Variants in BRD10 observed in about 807,000 individuals in gnomAD.
BRD10 encodes the protein bromodomain containing 10.
chr9:5,923,101 T>C, the BRD10 span: 1 of 1,614,010 alleles, frequency 6.2e-7, no homozygotes, highest in Non-Finnish European at 8.5e-7. Flanking sequence ...CATCACTTTC[T>C]AGATTCTCAA....
chr9:5,891,961 T>C, the BRD10 span, among the ~76,000 whole-genome samples: 1 of 152,216 alleles, frequency 6.6e-6, no homozygotes, highest in Non-Finnish European at 1.5e-5. Context: ...CAACGGGTGC[T>C]CTGGGAAACA....
chr9:5,948,319 A>G, the BRD10 span, among the ~76,000 whole-genome samples: 4 of 152,288 alleles, frequency 2.6e-5, no homozygotes, highest in East Asian at 7.7e-4. Context: ...ATTCTTTTTA[A>G]AAGGGTCTTT....
the BRD10 span, among the ~76,000 whole-genome samples, chr9:5,970,511 A>G: frequency 6.6e-6 from 1 of 152,158 alleles, no homozygotes; most frequent in Non-Finnish European, 1.5e-5. Context: ...AGTCTTTGTG[A>G]CCTTAGATTA....
At chr9:5,955,596 G>A in the BRD10 span, among the ~76,000 whole-genome samples, 1 of 151,868 alleles carries the variant, frequency 6.6e-6, no homozygotes, top group African/African-American at 2.4e-5. Context: ...CTAACTTTTG[G>A]CTCAATGAAA....
chr9:5,921,351 C>T, the BRD10 span: 3 of 1,613,868 alleles, frequency 1.9e-6, no homozygotes, highest in Non-Finnish European at 2.5e-6. Context: ...GGAATCAGTA[C>T]TATTTGGGGT....
the BRD10 span, among the ~76,000 whole-genome samples, chr9:5,900,368 T>C: frequency 1.3e-5 from 2 of 152,150 alleles, no homozygotes; most frequent in African/African-American, 2.4e-5. Flanking sequence ...AATTTCCATA[T>C]TTATTTTTTA....
chr9:5,921,819 G>A, the BRD10 span: 13 of 1,613,976 alleles, frequency 8.1e-6, no homozygotes, highest in Admixed American at 5.0e-5. Context: ...GGAGAAGAGG[G>A]CATGTGTGAA....
At chr9:5,887,493 G>C in the BRD10 span, among the ~76,000 whole-genome samples, 3 of 152,170 alleles carry the variant, frequency 2.0e-5, no homozygotes, top group African/African-American at 7.2e-5. Flanking sequence ...CTGAGATCCA[G>C]GTCAGTACTC....
At chr9:5,983,251 T>C in the BRD10 span, among the ~76,000 whole-genome samples, 1 of 152,194 alleles carries the variant, frequency 6.6e-6, no homozygotes, top group Non-Finnish European at 1.5e-5. Context: ...ATTGTAGGGC[T>C]GAACTGGAGT....
the BRD10 span, chr9:5,881,619 TAC>T: frequency 6.6e-6 from 1 of 152,254 alleles, no homozygotes; most frequent in African/African-American, 2.4e-5. Flanking sequence ...AAGGGCTGTG[TAC>T]AGTGAGTAAG....
chr9:5,968,449 ACTCCTT>A, the BRD10 span: 38 of 1,611,866 alleles, frequency 2.4e-5, no homozygotes, highest in East Asian at 8.3e-4. Flanking sequence ...CTTCCCCTGG[ACTCCTT>A]GGTTTCTCTA....
chr9:5,950,766 A>C, the BRD10 span, among the ~76,000 whole-genome samples: 1 of 152,184 alleles, frequency 6.6e-6, no homozygotes, highest in Admixed American at 6.5e-5. Flanking sequence ...TGCGGATACC[A>C]AAATCCAAGG....
At chr9:5,919,806 T>G in the BRD10 span, 1 of 1,613,830 alleles carries the variant, frequency 6.2e-7, no homozygotes, top group East Asian at 2.2e-5. Flanking sequence ...GAAGAAACCT[T>G]AGATGCTGGA....
At chr9:5,955,341 T>C in the BRD10 span, among the ~76,000 whole-genome samples, 3 of 152,214 alleles carry the variant, frequency 2.0e-5, no homozygotes, top group Non-Finnish European at 4.4e-5. Context: ...CTGTCATTTT[T>C]AGTTCACAAT....
chr9:5,919,243 A>G, the BRD10 span: 1 of 155,378 alleles, frequency 6.4e-6, no homozygotes, highest in East Asian at 1.9e-4. Context: ...ATAAATATAT[A>G]TATGTATTTT....
At chr9:6,005,771 T>C in the BRD10 span, among the ~76,000 whole-genome samples, 1 of 152,214 alleles carries the variant, frequency 6.6e-6, no homozygotes, top group Non-Finnish European at 1.5e-5. Flanking sequence ...TAATGCACTG[T>C]GGAGACAAGG....
At chr9:5,992,214 T>C in the BRD10 span, among the ~76,000 whole-genome samples, 4 of 152,336 alleles carry the variant, frequency 2.6e-5, no homozygotes, top group East Asian at 5.8e-4. Context: ...TCCAGGAGGA[T>C]AGGAACTTTG....
At chr9:5,896,120 C>T in the BRD10 span, among the ~76,000 whole-genome samples, 4 of 152,194 alleles carry the variant, frequency 2.6e-5, no homozygotes, top group Admixed American at 6.5e-5. Context: ...CTTGGTCTCC[C>T]GTTCCAGTTG....
At chr9:5,991,607 C>T in the BRD10 span, among the ~76,000 whole-genome samples, 1 of 151,728 alleles carries the variant, frequency 6.6e-6, no homozygotes, top group Non-Finnish European at 1.5e-5. Context: ...CACCTGTAGT[C>T]CAAGCTACGC....
Sources: gnomAD v4.1 joint callset for allele counts (sites outside exome capture counted in the v4.1 genomes callset) on GRCh38, gnomAD v4.1.1 for gene constraint, MANE v1.5 for transcripts, NCBI Gene and HGNC (gene_info 2026-07-23, HGNC 2026-07-21) for gene names.